Variants in ACACA observed in about 807,000 individuals in gnomAD.
ACACA encodes the protein acetyl-CoA carboxylase alpha.
ACACA carries 103 observed loss-of-function variants against 296.1 expected under a neutral mutation model. That is an observed-to-expected ratio of 0.35 (90% confidence interval 0.30 to 0.41). The LOEUF (loss-of-function observed/expected upper bound fraction) is 0.41, where lower values mean the gene tolerates loss of function less well. ACACA is among the 10% of genes least tolerant of loss of function. The probability of loss-of-function intolerance (pLI) is 1.00; values close to 1 mark genes in which losing one functional copy is unlikely to be tolerated. For synonymous variants in ACACA, 953 were observed against 1,038.6 expected, an observed-to-expected ratio of 0.92 and a Z score of 1.58; for missense variants, 1,554 against 2,989.7, an observed-to-expected ratio of 0.52 and a Z score of 11.20.
intron 29 of ACACA, among the ~76,000 whole-genome samples, chr17:37,214,905 T>C (rs955082002): frequency 2.6e-5 from 4 of 152,210 alleles, no homozygotes; most frequent in Admixed American, 1.3e-4. Flanking sequence ...CTCAGTACTA[T>C]CCAAAGAAAG....
At chr17:37,091,094 A>C (rs1358024895) in intron 54 of ACACA, among the ~76,000 whole-genome samples, 1 of 152,222 alleles carries the variant, frequency 6.6e-6, no homozygotes, top group East Asian at 1.9e-4. Flanking sequence ...ATTGTGGCTT[A>C]AGATAACTCT....
At chr17:37,289,063 G>A (rs879210317) in intron 3 of ACACA, among the ~76,000 whole-genome samples, 1 of 152,016 alleles carries the variant, frequency 6.6e-6, no homozygotes, top group Non-Finnish European at 1.5e-5. Context: ...AGGAGTTCGA[G>A]ACCAGCCTAA....
intron 19 of ACACA, 139 bp downstream of exon 19, chr17:37,246,687 C>T: frequency 8.7e-7 from 1 of 1,149,276 alleles, no homozygotes; most frequent in Non-Finnish European, 1.3e-6. Context: ...CCTGCCTCAG[C>T]CTCCCAAAGT....
chr17:37,211,535 T>C (rs1272146841), intron 29 of ACACA, among the ~76,000 whole-genome samples: 4 of 152,240 alleles, frequency 2.6e-5, no homozygotes, highest in African/African-American at 9.6e-5. Context: ...GATCGGTTGA[T>C]ATCTTAACCT....
In ACACA at chr17:37,243,285, A is replaced by G. The variant is rs1050850602; in HGVS notation, c.2931+86T>C. 5.8e-6 allele frequency: 8 copies of G among 1,390,092 alleles called. No homozygotes were observed. The Admixed American group carries it at 1.2e-4, about 20-fold the overall frequency. The allele number at this position is 1,390,092 out of a possible 1,614,324, so 86.1% of individuals were successfully genotyped here. A position where few individuals can be genotyped will look rare whatever the true frequency, so the allele number is the denominator to read the frequency against. ...TATACAAGCACAACATCCAAAAAGTAAGGAGGATCCAAATAGGAAGGAATC... is the reference window on the plus strand; with the variant it reads ...TATACAAGCACAACATCCAAAAAGTGAGGAGGATCCAAATAGGAAGGAATC... On this transcript the variant is annotated intron_variant, in intron 22 of 55. Coordinates refer to ENST00000616317, the MANE Select transcript of ACACA (RefSeq NM_198834.3).
chr17:37,334,154 G>A (rs1003322099), intron 2 of ACACA, among the ~76,000 whole-genome samples: 2 of 151,930 alleles, frequency 1.3e-5, no homozygotes, highest in Non-Finnish European at 2.9e-5. Flanking sequence ...AACCCACCTC[G>A]CATGGCCTGC....
intron 1 of ACACA, among the ~76,000 whole-genome samples, chr17:37,390,658 T>C (rs1276515795): frequency 6.8e-6 from 1 of 147,858 alleles, no homozygotes; most frequent in Admixed American, 6.8e-5. Flanking sequence ...AGCCAGCTGG[T>C]GGCATGTGCC....
intron 1 of ACACA, among the ~76,000 whole-genome samples, chr17:37,378,848 G>C (rs1045157441): frequency 2.6e-5 from 4 of 152,130 alleles, no homozygotes; most frequent in African/African-American, 7.2e-5. Flanking sequence ...GATTGCTTGA[G>C]CCCAGGAGTT....
chr17:37,301,463 C>T (rs1434294328), intron 3 of ACACA: 7 of 935,794 alleles, frequency 7.5e-6, no homozygotes, highest in South Asian at 4.9e-5. Context: ...GCAGTTTACC[C>T]GGCAGACAGT....
chr17:37,268,743 A>ATAGATATATATATATATATATATATC (rs1567913429), intron 10 of ACACA, among the ~76,000 whole-genome samples: 21 of 102,048 alleles, frequency 2.1e-4, no homozygotes, highest in Non-Finnish European at 4.1e-4. Flanking sequence ...CTATCTATCT[A>ATAGATATATATATATATATATATATC]TATATATATA....
chr17:37,150,178 A>C (rs2075977012), intron 44 of ACACA, among the ~76,000 whole-genome samples: 1 of 152,178 alleles, frequency 6.6e-6, no homozygotes, highest in African/African-American at 2.4e-5. Context: ...GCTGGGTGCA[A>C]TGGCTCATGC....
intron 40 of ACACA, 105 bp from the exon 41 acceptor site, chr17:37,179,511 T>A: frequency 2.4e-6 from 3 of 1,245,780 alleles, no homozygotes; most frequent in Non-Finnish European, 2.3e-6. Context: ...TTTCCAAGTG[T>A]TCTGCAGAGT....
intron 37 of ACACA, among the ~76,000 whole-genome samples, chr17:37,191,533 C>A (rs1407454342): frequency 6.6e-6 from 1 of 152,148 alleles, no homozygotes; most frequent in Non-Finnish European, 1.5e-5. Context: ...TACTGGGCAT[C>A]CCCATAGCTG....
intron 36 of ACACA, among the ~76,000 whole-genome samples, chr17:37,193,128 G>C (rs1341955381): frequency 1.3e-5 from 2 of 152,108 alleles, no homozygotes; most frequent in African/African-American, 4.8e-5. Flanking sequence ...TCATTCTACA[G>C]GACAAGGATG....
chr17:37,390,237 A>AT (rs2050759091), intron 1 of ACACA, among the ~76,000 whole-genome samples: 1 of 46,502 alleles, frequency 2.2e-5, no homozygotes, highest in African/African-American at 1.8e-4. Context: ...ATTATATATA[A>AT]TATATTATAT....
At chr17:37,103,349 A>G (rs1195961854) in intron 52 of ACACA, among the ~76,000 whole-genome samples, 1 of 152,212 alleles carries the variant, frequency 6.6e-6, no homozygotes, top group Non-Finnish European at 1.5e-5. Flanking sequence ...GTTTGTCAGG[A>G]GCATTTCTTA....
At chr17:37,238,334 G>GAAA (rs1243840214) in intron 24 of ACACA, among the ~76,000 whole-genome samples, 4 of 142,350 alleles carry the variant, frequency 2.8e-5, no homozygotes, top group African/African-American at 5.2e-5. Flanking sequence ...ATCATTTATT[G>GAAA]AAAAAAAAAA....
intron 45 of ACACA, among the ~76,000 whole-genome samples, chr17:37,132,822 G>T (rs918491822): frequency 1.3e-5 from 2 of 152,112 alleles, no homozygotes; most frequent in African/African-American, 4.8e-5. Context: ...TGATGTCTTT[G>T]CCTCCTCATT....
At chr17:37,398,281 CTTTTTTTT>C (rs777127866) in intron 1 of ACACA, among the ~76,000 whole-genome samples, 26 of 79,180 alleles carry the variant, frequency 3.3e-4, no homozygotes, top group Non-Finnish European at 5.8e-4. Flanking sequence ...TGTGGTATCA[CTTTTTTTT>C]TTTTTTTTTT....
Sources: gnomAD v4.1 joint callset for allele counts (sites outside exome capture counted in the v4.1 genomes callset) on GRCh38, gnomAD v4.1.1 for gene constraint, MANE v1.5 for transcripts, NCBI Gene and HGNC (gene_info 2026-07-23, HGNC 2026-07-21) for gene names.